SLC39A6: variants seen among roughly 807,000 people sequenced by gnomAD.
SLC39A6 encodes zinc transporter ZIP6.
SLC39A6 carries 51 observed loss-of-function variants against 63.5 expected under a neutral mutation model. The ratio of observed to expected loss-of-function variants is 0.80; its 90% CI spans 0.64 to 1.01. The LOEUF (loss-of-function observed/expected upper bound fraction) is 1.01, where lower values mean the gene tolerates loss of function less well. Ranked by LOEUF, SLC39A6 falls within the 50% of genes least tolerant of loss-of-function variation. The pLI, the probability that SLC39A6 is intolerant of heterozygous loss-of-function variation, is 0.00. For synonymous variants in SLC39A6, 318 were observed against 324.7 expected (o/e 0.98, Z 0.22); for missense variants, 805 against 927.8 (o/e 0.87, Z 1.72).
rs2089435491 is a variant in SLC39A6, at chr18:36,126,220, T to G, written c.788A>C (p.Glu263Ala). 1 of 1,613,048 alleles carries G rather than the reference T, an allele frequency of 6.2e-7. No individual in the cohort carries two copies. The highest frequency in any genetic ancestry group is 1.7e-5 in the Admixed American group (1 of 59,952). Reference protein sequence around the residue: ...YSRNTNENPQECFNASKLLTS... With the variant: ...YSRNTNENPQACFNASKLLTS... ...AATAATGAACAGCACTCATCTTACC[T>G]CCTGAGGATTTTCATTTGTGTTTCT... The change falls in exon 2 of 10, where the codon GAG (glutamate) becomes GCG (alanine). Residue 263 changes from glutamate to alanine, a missense_variant and splice_region_variant. By Grantham distance (107) the Glu-to-Ala change is moderately radical. Coordinates refer to ENST00000269187, the MANE Select transcript of SLC39A6 (RefSeq NM_012319.4).
rs762332240 is a variant in SLC39A6, at chr18:36,126,559, T to G, written c.449A>C (p.Asp150Ala). Residue 150 changes from aspartate (D) to alanine (A), a missense_variant, in exon 2 of 10, where the codon GAC becomes GCC. Asp to Ala is a moderately radical substitution (Grantham distance 126). Transcript: ENST00000269187. The stretch of plus-strand genomic sequence containing the variant: ...AGGATCTTTACCTGAACTATCTGAG[T>G]CATGGTCTGGGCAAAGAGCTTTTCG... Reference protein sequence around the residue: ...NKRKALCPDHDSDSSGKDPRN... With the variant: ...NKRKALCPDHASDSSGKDPRN... 6.2e-7 allele frequency: 1 copy of G among 1,614,194 alleles called. No homozygotes were observed. The highest frequency in any genetic ancestry group is 8.5e-7 in the Non-Finnish European group (1 of 1,180,022).
intron 5 of SLC39A6, among the ~76,000 whole-genome samples, chr18:36,118,078 C>T (rs1019188505): frequency 6.6e-6 from 1 of 151,254 alleles, no homozygotes; most frequent in Non-Finnish European, 1.5e-5. Flanking sequence ...TACACTTATC[C>T]TGAATATAAT....
chr18:36,116,549 G>A, intron 6 of SLC39A6, 125 bp downstream of exon 6: 1 of 660,692 alleles, frequency 1.5e-6, no homozygotes, highest in East Asian at 2.8e-5. Flanking sequence ...ATTTTACAAA[G>A]TATGAGATAC....
intron 7 of SLC39A6, among the ~76,000 whole-genome samples, 195 bp from the exon 8 acceptor site, chr18:36,112,776 C>T (rs2089310723): frequency 6.6e-6 from 1 of 152,136 alleles, no homozygotes; most frequent in Non-Finnish European, 1.5e-5. Context: ...CAAAGGAGCA[C>T]ATCGGGCATG....
intron 8 of SLC39A6, 105 bp from the exon 9 acceptor site, chr18:36,111,354 G>C: frequency 9.1e-7 from 1 of 1,095,234 alleles, no homozygotes; most frequent in Non-Finnish European, 1.3e-6. Flanking sequence ...GTGTTTTTGA[G>C]AGGGGGAAAA....
At chr18:36,121,264 C>A (rs148164919) in intron 5 of SLC39A6, among the ~76,000 whole-genome samples, 1,631 of 152,100 alleles carry the variant, frequency 0.011, 42 homozygotes, top group African/African-American at 0.036. Flanking sequence ...TCAAACAATT[C>A]TTGTGCCTCA....
intron 6 of SLC39A6, among the ~76,000 whole-genome samples, chr18:36,114,815 G>A (rs2089330538): frequency 1.3e-5 from 2 of 151,964 alleles, no homozygotes; most frequent in African/African-American, 4.8e-5. Context: ...TAGAAAACAT[G>A]TTATGTTATT....
At chr18:36,120,195 T>C (rs759671936) in intron 5 of SLC39A6, among the ~76,000 whole-genome samples, 5 of 152,030 alleles carry the variant, frequency 3.3e-5, no homozygotes, top group Non-Finnish European at 7.4e-5. Flanking sequence ...AGGAAAATTC[T>C]AAGTAAAAAA....
At position 36,126,588 on chromosome 18, in the gene SLC39A6, A is replaced by G. The variant is rs1217785613; in HGVS notation, c.420T>C (p.Asn140=). 1.9e-6 allele frequency: 3 copies of G among 1,614,150 alleles called. No homozygotes were observed. The highest frequency in any genetic ancestry group is 2.5e-6 in the Non-Finnish European group (3 of 1,180,022). ...GGTCTGGGCAAAGAGCTTTTCGCTT[A>G]TTTTTACCAGAAGCAGCATGATTAT... ...SHHNHAASGK[N]KRKALCPDHD... is the part of the protein sequence containing the mutation. Residue 140 remains asparagine (N), a synonymous_variant, in exon 2 of 10, where the codon AAT becomes AAC. Transcript: ENST00000269187.
chr18:36,116,569 C>A, intron 6 of SLC39A6, 105 bp downstream of exon 6: 1 of 757,558 alleles, frequency 1.3e-6, no homozygotes, highest in East Asian at 2.7e-5. Flanking sequence ...CTGCAAAAAC[C>A]AAAACCAAGG....
intron 5 of SLC39A6, among the ~76,000 whole-genome samples, chr18:36,119,485 A>G (rs976147698): frequency 1.3e-5 from 2 of 152,212 alleles, no homozygotes; most frequent in African/African-American, 4.8e-5. Context: ...ACTATTTTAA[A>G]GCAGAGTGCA....
rs1421391573 is a variant in SLC39A6, at chr18:36,114,206, G to A, written c.1734C>T (p.His578=). 4 of 1,614,094 alleles carry A rather than the reference G, an allele frequency of 2.5e-6. No homozygotes were observed. In the African/African-American group the frequency reaches 4.0e-5, roughly 16 times the overall value. ...HHHQNHHPHS[H]SQRYSREELK... is the part of the protein sequence containing the mutation. ...GCTCCTCCCGAGAGTAGCGCTGGCT[G>A]TGACTGTGAGGATGGTGGTTTTGGT... Residue 578 remains histidine, a synonymous_variant, in exon 7 of 10, where the codon CAC becomes CAT. Coordinates refer to ENST00000269187, the MANE Select transcript of SLC39A6 (RefSeq NM_012319.4).
intron 1 of SLC39A6, among the ~76,000 whole-genome samples, chr18:36,128,154 G>A (rs557454929): frequency 6.6e-6 from 1 of 152,336 alleles, no homozygotes; most frequent in African/African-American, 2.4e-5. Context: ...GTTGGAGCTT[G>A]AAAAGCAGAA....
intron 2 of SLC39A6, 71 bp from the exon 3 acceptor site, chr18:36,124,771 T>C: frequency 9.5e-6 from 11 of 1,154,740 alleles, no homozygotes; most frequent in South Asian, 2.2e-5. Flanking sequence ...CACAATACCC[T>C]TTTTTACTAA....
chr18:36,123,204 C>T (rs2089408178), intron 4 of SLC39A6, among the ~76,000 whole-genome samples: 1 of 152,202 alleles, frequency 6.6e-6, no homozygotes, highest in South Asian at 2.1e-4. Context: ...GCAGATAACT[C>T]ACATTGCTGC....
chr18:36,121,702 T>G lies in SLC39A6; in HGVS notation c.1359+350A>C, dbSNP rs75259810. ...GTGACTGGAAATTAATGACATTAGT[T>G]AATCGTAACTACTAATAAATATTGA... On this transcript the variant is annotated intron_variant, in intron 5 of 9. Coordinates refer to ENST00000269187, the MANE Select transcript of SLC39A6 (RefSeq NM_012319.4). Among the ~76,000 whole-genome samples, 1,271 of 152,308 alleles carry G rather than the reference T, an allele frequency of 8.3e-3. 27 individuals are homozygous for G. The highest frequency in any genetic ancestry group is 0.029 in the African/African-American group (1,209 of 41,552).
At chr18:36,112,608 T>C (rs767200667) in intron 7 of SLC39A6, 27 bp from the exon 8 acceptor site, 13 of 1,565,186 alleles carry the variant, frequency 8.3e-6, no homozygotes, top group African/African-American at 5.4e-5. Flanking sequence ...CAGAAAAAGT[T>C]TGGCTACATT....
chr18:36,124,915 G>A (rs2089423860), intron 2 of SLC39A6, among the ~76,000 whole-genome samples: 1 of 152,182 alleles, frequency 6.6e-6, no homozygotes, highest in Admixed American at 6.5e-5. Flanking sequence ...CATCAGAGAA[G>A]CAGTACATCA....
rs1490644851 is a variant in SLC39A6, at chr18:36,114,380, A to G, written c.1560T>C (p.Ala520=). ...AVLEEEEVMI[A]HAHPQEVYNE... The stretch of plus-strand genomic sequence containing the variant: ...TGTAGACTTCCTGTGGATGAGCATG[A>G]GCTATCATGACCTCTTCTTCTTCCA... Residue 520 remains alanine, a synonymous_variant, in exon 7 of 10, where the codon GCT becomes GCC. Coordinates refer to ENST00000269187, the MANE Select transcript of SLC39A6 (RefSeq NM_012319.4). 1 of 1,614,062 alleles carries G rather than the reference A, an allele frequency of 6.2e-7. No homozygotes were observed. The highest frequency in any genetic ancestry group is 8.5e-7 in the Non-Finnish European group (1 of 1,180,040).
Sources: gnomAD v4.1 joint callset for allele counts (sites outside exome capture counted in the v4.1 genomes callset) on GRCh38, gnomAD v4.1.1 for gene constraint, MANE v1.5 for transcripts, NCBI Gene and HGNC (gene_info 2026-07-23, HGNC 2026-07-21) for gene names.